The following DPP10 variants were observed in gnomAD, a reference collection of about 807,000 sequenced individuals.
DPP10 encodes the protein inactive dipeptidyl peptidase 10.
Under a neutral mutation model 120.9 loss-of-function variants are expected in DPP10, and 33 were observed. The ratio of observed to expected loss-of-function variants is 0.27; its 90% CI spans 0.21 to 0.37. The LOEUF is 0.37. DPP10 is among the 10% of genes least tolerant of loss of function. DPP10 has a pLI of 1.00. For missense variants in DPP10, 816 were observed against 942.8 expected, an observed-to-expected ratio of 0.87 and a Z score of 1.76; for synonymous variants, 337 against 326.1, an observed-to-expected ratio of 1.03 and a Z score of -0.36.
At chr2:114,746,330 G>T (rs1451181815) in intron 1 of DPP10, among the ~76,000 whole-genome samples, 1 of 152,148 alleles carries the variant, frequency 6.6e-6, no homozygotes, top group Admixed American at 6.5e-5. Flanking sequence ...CACCCACTGG[G>T]TTCTATTTCT....
intron 1 of DPP10, among the ~76,000 whole-genome samples, chr2:114,489,616 T>C (rs1420309999): frequency 1.3e-5 from 2 of 152,234 alleles, no homozygotes; most frequent in African/African-American, 4.8e-5. Flanking sequence ...TTTAGCTTTT[T>C]ACTCAGTCAA....
intron 1 of DPP10, among the ~76,000 whole-genome samples, chr2:114,493,166 A>T (rs1682153903): frequency 3.3e-5 from 5 of 152,172 alleles, no homozygotes; most frequent in Admixed American, 3.3e-4. Context: ...CAGTGGCAGC[A>T]AAGTGTGGTG....
intron 1 of DPP10, among the ~76,000 whole-genome samples, chr2:114,544,913 G>A (rs1687253207): frequency 1.3e-5 from 2 of 151,752 alleles, no homozygotes. Flanking sequence ...GTGCAGTGGC[G>A]AGATCTTGGC....
chr2:115,768,740 T>G (rs1479313113), intron 13 of DPP10, among the ~76,000 whole-genome samples: 3 of 152,128 alleles, frequency 2.0e-5, no homozygotes. Context: ...AACATATATA[T>G]AACCTATTTT....
intron 1 of DPP10, among the ~76,000 whole-genome samples, chr2:114,483,448 G>A (rs1392329345): frequency 6.6e-6 from 1 of 151,552 alleles, no homozygotes; most frequent in African/African-American, 2.4e-5. Flanking sequence ...CAAAATAATC[G>A]TATTCTTTTT....
chr2:115,675,061 C>T (rs2090157513), intron 5 of DPP10, among the ~76,000 whole-genome samples: 2 of 152,074 alleles, frequency 1.3e-5, no homozygotes, highest in Admixed American at 6.6e-5. Flanking sequence ...TTTCCTTTGC[C>T]AAGAGTTCTC....
At chr2:114,748,016 A>G (rs1323658628) in intron 1 of DPP10, among the ~76,000 whole-genome samples, 1 of 152,290 alleles carries the variant, frequency 6.6e-6, no homozygotes, top group Non-Finnish European at 1.5e-5. Context: ...ATTTATAGCA[A>G]TTTTTCAAAG....
intron 1 of DPP10, among the ~76,000 whole-genome samples, chr2:115,063,750 T>A (rs1441789572): frequency 6.6e-6 from 1 of 152,164 alleles, no homozygotes; most frequent in Non-Finnish European, 1.5e-5. Context: ...TCCTTACACC[T>A]TATACAAAAA....
At chr2:114,568,066 A>T (rs1404362290) in intron 1 of DPP10, among the ~76,000 whole-genome samples, 2 of 150,788 alleles carry the variant, frequency 1.3e-5, no homozygotes, top group Non-Finnish European at 1.5e-5. Context: ...AAAAAAAAAA[A>T]AGTGTCCAAA....
chr2:115,022,831 C>T (rs1337369449), intron 1 of DPP10, among the ~76,000 whole-genome samples: 1 of 151,920 alleles, frequency 6.6e-6, no homozygotes, highest in Non-Finnish European at 1.5e-5. Context: ...AATAGATAAC[C>T]CAGAAATAAA....
intron 19 of DPP10, among the ~76,000 whole-genome samples, chr2:115,799,370 C>T (rs1684903973): frequency 6.6e-6 from 1 of 151,774 alleles, no homozygotes; most frequent in South Asian, 2.1e-4. Flanking sequence ...TATAAGGGCA[C>T]ACAAAAAAAG....
intron 5 of DPP10, among the ~76,000 whole-genome samples, chr2:115,540,962 G>A (rs1315581913): frequency 6.6e-6 from 1 of 151,694 alleles, no homozygotes; most frequent in African/African-American, 2.4e-5. Context: ...TGGCATAGAT[G>A]TTCATTTACT....
intron 5 of DPP10, among the ~76,000 whole-genome samples, chr2:115,669,540 G>T (rs2089712411): frequency 2.0e-5 from 3 of 152,112 alleles, no homozygotes; most frequent in African/African-American, 7.2e-5. Flanking sequence ...AGCTCCCATT[G>T]TGACTTAATA....
intron 1 of DPP10, chr2:115,161,242 G>A (rs2104959714): frequency 6.6e-6 from 1 of 152,388 alleles, no homozygotes; most frequent in East Asian, 1.9e-4. Context: ...CACGCCCTCG[G>A]GTCCCGACAG....
At chr2:115,442,786 G>A (rs1357871660) in intron 3 of DPP10, among the ~76,000 whole-genome samples, 1 of 152,096 alleles carries the variant, frequency 6.6e-6, no homozygotes, top group African/African-American at 2.4e-5. Flanking sequence ...TCTCCCAAGA[G>A]GATTACATTA....
chr2:115,058,010 G>T (rs761212178), intron 1 of DPP10, among the ~76,000 whole-genome samples: 3 of 152,164 alleles, frequency 2.0e-5, no homozygotes, highest in Admixed American at 6.5e-5. Context: ...TGCTTTGAGG[G>T]TTAAAATTTC....
At chr2:114,558,562 T>C (rs1362921546) in intron 1 of DPP10, among the ~76,000 whole-genome samples, 1 of 152,248 alleles carries the variant, frequency 6.6e-6, no homozygotes, top group Non-Finnish European at 1.5e-5. Flanking sequence ...TATCTCAACT[T>C]TGTTCATTTT....
At chr2:115,365,957 A>G (rs1284280978) in intron 3 of DPP10, among the ~76,000 whole-genome samples, 1 of 151,976 alleles carries the variant, frequency 6.6e-6, no homozygotes, top group East Asian at 1.9e-4. Context: ...ATTAATATAT[A>G]TTACTGAACT....
At chr2:115,124,015 T>C (rs905172527) in intron 1 of DPP10, among the ~76,000 whole-genome samples, 2 of 151,824 alleles carry the variant, frequency 1.3e-5, no homozygotes, top group African/African-American at 4.8e-5. Flanking sequence ...AGCCTAATCA[T>C]GGCTCATTGA....
Sources: gnomAD v4.1 joint callset for allele counts (sites outside exome capture counted in the v4.1 genomes callset) on GRCh38, gnomAD v4.1.1 for gene constraint, MANE v1.5 for transcripts, NCBI Gene and HGNC (gene_info 2026-07-23, HGNC 2026-07-21) for gene names.